The following CACHD1 variants were observed in gnomAD, a reference collection of about 807,000 sequenced individuals.
CACHD1 encodes VWFA and cache domain-containing protein 1.
CACHD1 carries 71 observed loss-of-function variants against 138.7 expected under a neutral mutation model. The observed-to-expected ratio is 0.51, with a 90% CI of 0.42 to 0.62. The LOEUF is 0.62. Ranked by LOEUF, CACHD1 falls within the 20% of genes least tolerant of loss-of-function variation. CACHD1 has a pLI of 0.00. For synonymous variants in CACHD1, 578 were observed against 591.5 expected (o/e 0.98, Z 0.33); for missense variants, 1,389 against 1,625.3 (o/e 0.85, Z 2.50).
chr1:64,554,716 T>C (rs1377782262), intron 2 of CACHD1, among the ~76,000 whole-genome samples: 1 of 152,200 alleles, frequency 6.6e-6, no homozygotes, highest in African/African-American at 2.4e-5. Context: ...ATTTTAGAAG[T>C]TTAAAAATGC....
chr1:64,492,646 G>T (rs1440607247), intron 1 of CACHD1, among the ~76,000 whole-genome samples: 1 of 151,930 alleles, frequency 6.6e-6, no homozygotes, highest in Admixed American at 6.6e-5. Flanking sequence ...CGGTTACTCC[G>T]CTGATCGTTA....
At chr1:64,511,615 G>A (rs1311229925) in intron 1 of CACHD1, among the ~76,000 whole-genome samples, 2 of 152,116 alleles carry the variant, frequency 1.3e-5, no homozygotes, top group African/African-American at 4.8e-5. Flanking sequence ...GCCGCTTCCC[G>A]CTACAATGAT....
intron 16 of CACHD1, 133 bp from the exon 17 acceptor site, chr1:64,671,431 T>C: frequency 2.2e-6 from 2 of 926,492 alleles, no homozygotes; most frequent in Non-Finnish European, 3.3e-6. Context: ...TTGATCATTT[T>C]TGTAGGTGGG....
chr1:64,514,850 G>T (rs1177416486), intron 1 of CACHD1, among the ~76,000 whole-genome samples: 1 of 152,112 alleles, frequency 6.6e-6, no homozygotes, highest in Non-Finnish European at 1.5e-5. Context: ...GGCCTGATTT[G>T]TTCTTACAGA....
chr1:64,529,593 C>T (rs748420360), intron 1 of CACHD1, among the ~76,000 whole-genome samples: 7 of 152,178 alleles, frequency 4.6e-5, no homozygotes, highest in Admixed American at 6.5e-5. Context: ...ATGCTGGCTA[C>T]TGTGTTACAG....
At chr1:64,643,035 CTAAAAAAAAAAAAAAA>C (rs1229939496) in intron 8 of CACHD1, among the ~76,000 whole-genome samples, 5 of 41,486 alleles carry the variant, frequency 1.2e-4, no homozygotes, top group South Asian at 1.4e-3. Context: ...AAGACTCTGT[CTAAAAAAAAAAAAAAA>C]AAAAAAAAAA....
intron 1 of CACHD1, among the ~76,000 whole-genome samples, chr1:64,495,852 C>A (rs1472668360): frequency 6.6e-6 from 1 of 151,826 alleles, no homozygotes. Context: ...TCTTCCCAGG[C>A]GTGTCTTTCA....
intron 1 of CACHD1, among the ~76,000 whole-genome samples, chr1:64,510,314 C>T (rs1646409713): frequency 6.6e-6 from 1 of 152,152 alleles, no homozygotes; most frequent in African/African-American, 2.4e-5. Flanking sequence ...GCTCTAGGAG[C>T]CAATGGGAGC....
intron 1 of CACHD1, among the ~76,000 whole-genome samples, chr1:64,542,988 A>AACAC (rs111903627): frequency 0.015 from 2,160 of 147,950 alleles, 46 homozygotes; most frequent in African/African-American, 0.045. Flanking sequence ...CACACACATC[A>AACAC]ACACACACAC....
chr1:64,483,870 C>G (rs1213638356), intron 1 of CACHD1, among the ~76,000 whole-genome samples: 11 of 145,422 alleles, frequency 7.6e-5, no homozygotes, highest in African/African-American at 1.8e-4. Context: ...ACCTTCCCCC[C>G]CCCCCTTGCA....
Position 64,582,239 on chromosome 1 carries a change from G to A in CACHD1, c.345G>A (p.Thr115=), listed in dbSNP as rs375330131. Residue 115 remains threonine, a synonymous_variant, in exon 3 of 27, where the codon ACG becomes ACA. Transcript: ENST00000651257. ...RNKQVVEASY[T]AHLTSPLTAI... ...AGCAAGTTGTAGAAGCATCCTATAC[G>A]GCTCACCTAACCTCTCCCCTAACTG... 126 of 1,613,878 alleles carry A rather than the reference G, an allele frequency of 7.8e-5. 1 individual carries two copies. The East Asian group carries it at 1.7e-3, about 21-fold the overall frequency.
intron 15 of CACHD1, among the ~76,000 whole-genome samples, chr1:64,665,346 G>A (rs1337344914): frequency 1.3e-5 from 2 of 152,044 alleles, no homozygotes; most frequent in African/African-American, 2.4e-5. Flanking sequence ...TGTAGTCCCA[G>A]CTACTCAGGA....
At chr1:64,666,018 A>G (rs1337870869) in intron 15 of CACHD1, 39 bp from the exon 16 acceptor site, 1 of 1,258,452 alleles carries the variant, frequency 7.9e-7, no homozygotes. Flanking sequence ...AAAAATAAAT[A>G]AAAAATAAAA....
chr1:64,578,989 A>G (rs1646990783), intron 2 of CACHD1, among the ~76,000 whole-genome samples: 1 of 152,138 alleles, frequency 6.6e-6, no homozygotes, highest in Non-Finnish European at 1.5e-5. Flanking sequence ...TAAAACCACT[A>G]CACTAGGATT....
At chr1:64,530,279 A>G (rs1360265460) in intron 1 of CACHD1, among the ~76,000 whole-genome samples, 2 of 152,180 alleles carry the variant, frequency 1.3e-5, no homozygotes, top group Non-Finnish European at 2.9e-5. Context: ...GGTTGGTTCT[A>G]TCGCCTTATT....
At chr1:64,597,760 T>C (rs1002926627) in intron 3 of CACHD1, among the ~76,000 whole-genome samples, 1 of 152,100 alleles carries the variant, frequency 6.6e-6, no homozygotes, top group Non-Finnish European at 1.5e-5. Context: ...GAATTGCCCA[T>C]TCATTTTGTA....
chr1:64,539,295 A>G lies in CACHD1; in HGVS notation c.199-11299A>G, dbSNP rs529601153. 2.6e-4 allele frequency among the ~76,000 whole-genome samples: 40 copies of G among 152,336 alleles called. 1 individual carries two copies. Among genetic ancestry groups the G allele is most frequent in the Non-Finnish European group, 5.0e-4 (34 of 68,024 alleles). On this transcript the variant is annotated intron_variant, in intron 1 of 26. Coordinates refer to ENST00000651257, the MANE Select transcript of CACHD1 (RefSeq NM_020925.4). ...TCACTCCCCAGTTAAAAATCCTTTT[A>G]ACGGCTATTTATTTCTTGGCAAATA... is the stretch of plus-strand genomic sequence containing the variant.
chr1:64,545,522 G>A (rs556977628), intron 1 of CACHD1, among the ~76,000 whole-genome samples: 1 of 152,326 alleles, frequency 6.6e-6, no homozygotes, highest in East Asian at 1.9e-4. Flanking sequence ...GATTCATCAT[G>A]TTGATGCATG....
In CACHD1 at chr1:64,487,633, T is replaced by A. The variant is rs559879216; in HGVS notation, c.198+16691T>A. On this transcript the variant is annotated intron_variant, in intron 1 of 26. Transcript: ENST00000651257. ...CTTGGTTATGCTGGACCTCCTTTTT[T>A]AAAAAAAAAATGTAACTGATTATCT... Among the ~76,000 whole-genome samples, 296 of 150,174 alleles carry A rather than the reference T, an allele frequency of 2.0e-3. 1 individual carries two copies. The highest frequency in any genetic ancestry group is 0.012 in the East Asian group (60 of 5,112).
Sources: gnomAD v4.1 joint callset for allele counts (sites outside exome capture counted in the v4.1 genomes callset) on GRCh38, gnomAD v4.1.1 for gene constraint, MANE v1.5 for transcripts, NCBI Gene and HGNC (gene_info 2026-07-23, HGNC 2026-07-21) for gene names.